Variants in MYH7 observed in about 807,000 individuals in gnomAD.
The protein encoded by MYH7 is myosin heavy chain 7.
Under a neutral mutation model 225.4 loss-of-function variants are expected in MYH7, and 129 were observed. The observed-to-expected ratio is 0.57, with a 90% CI of 0.50 to 0.66. The LOEUF is 0.66. Among genes scored for constraint, MYH7 ranks in the 30% least tolerant of loss-of-function variants. The pLI is 0.00. For synonymous variants in MYH7, 971 were observed against 1,007.6 expected, an observed-to-expected ratio of 0.96 and a Z score of 0.69; for missense variants, 1,649 against 2,517.0, an observed-to-expected ratio of 0.66 and a Z score of 7.38.
chr14:23,415,537 A>G lies in MYH7; in HGVS notation c.5158-31T>C, dbSNP rs997777221. 1 of 1,614,062 alleles carries G rather than the reference A, an allele frequency of 6.2e-7. No homozygotes were observed. Among genetic ancestry groups the G allele is most frequent in the East Asian group, 2.2e-5 (1 of 44,876 alleles). The stretch of plus-strand genomic sequence containing the variant: ...TTGGGGGAGGGTTGGGCAGAGCAGG[A>G]AAAGCATTGAGCATCTATGCATAGC... On this transcript the variant is annotated intron_variant, in intron 35 of 39. Coordinates refer to ENST00000355349, the MANE Select transcript of MYH7 (RefSeq NM_000257.4). This position sits in a 1 kb window ranked among gnomAD's most constrained non-coding sequence, Gnocchi z 6.3.
intron 25 of MYH7, 121 bp downstream of exon 25, chr14:23,422,059 G>A: frequency 6.7e-7 from 1 of 1,483,392 alleles, no homozygotes; most frequent in Non-Finnish European, 9.3e-7. Flanking sequence ...TTTTCCCATG[G>A]TTTGCGCCTC....
Position 23,416,140 on chromosome 14 carries a change from CGT to C in MYH7, c.4815_4816del (p.Arg1606GlnfsTer18), listed in dbSNP as rs1892197471. ...CACCCTCAGGGCCTCGTTGCGGCTG[CGT>C]GTCTCTGCGTCCAGGGAGGTCTGCA... On this transcript the variant is annotated frameshift_variant, in exon 34 of 40. Transcript: ENST00000355349. LOFTEE classifies it high-confidence loss of function. 6.2e-7 allele frequency: 1 copy of C among 1,614,164 alleles called. No homozygotes were observed. Among genetic ancestry groups the C allele is most frequent in the African/African-American group, 1.3e-5 (1 of 75,028 alleles).
chr14:23,423,428 T>C (rs1465296439), intron 24 of MYH7, 119 bp downstream of exon 24: 12 of 1,207,686 alleles, frequency 9.9e-6, no homozygotes, highest in Non-Finnish European at 1.3e-5. Context: ...CCTCTAAACA[T>C]AAACACAAAC....
chr14:23,417,568 C>G lies in MYH7; in HGVS notation c.4288G>C (p.Val1430Leu). Reference protein sequence around the residue: ...RLQNEIEDLMVDVERSNAAAA... With the variant: ...RLQNEIEDLMLDVERSNAAAA... The stretch of plus-strand genomic sequence containing the variant: ...GCAGCATTGGAGCGCTCTACGTCCA[C>G]CATCAAGTCCTCGATCTCATTCTGT... Residue 1430 changes from valine (V) to leucine (L), a missense_variant, in exon 31 of 40, where the codon GTG becomes CTG. Transcript: ENST00000355349. 6.2e-7 allele frequency: 1 copy of G among 1,612,488 alleles called. No homozygotes were observed. The highest frequency in any genetic ancestry group is 8.5e-7 in the Non-Finnish European group (1 of 1,180,044).
rs1892156163 is a variant in MYH7 at position 23,415,489 on chromosome 14, G to A, written c.5175C>T (p.Asn1725=). The A allele has an allele frequency of 6.2e-7, 1 of 1,614,196 alleles. No individual in the cohort carries two copies. The highest frequency in any genetic ancestry group is 2.2e-5 in the East Asian group (1 of 44,886). The part of the protein sequence containing the change: ...LLHSQNTSLI[N]QKKKMDADLS... The stretch of plus-strand genomic sequence containing the variant: ...GGTCAGCATCCATCTTCTTCTTCTG[G>A]TTGATGAGGCTGGTGTTCTGGGTTG... Residue 1725 remains asparagine (N), a synonymous_variant, in exon 36 of 40, where the codon AAC becomes AAT. Coordinates refer to ENST00000355349, the MANE Select transcript of MYH7 (RefSeq NM_000257.4). The surrounding 1 kb of genome is among the most constrained non-coding windows in gnomAD (Gnocchi z 6.3).
At position 23,413,797 on chromosome 14, in the gene MYH7, T is replaced by G; in HGVS notation, c.5752A>C (p.Asn1918His). The G allele has an allele frequency of 6.2e-7, 1 of 1,614,262 alleles. No individual in the cohort carries two copies. Among genetic ancestry groups the G allele is most frequent in the Non-Finnish European group, 8.5e-7 (1 of 1,180,050 alleles). ...ERADIAESQV[N>H]KLRAKSRDIG... ...TCACGGCTCTTGGCCCGCAGCTTGT[T>G]GACCTGGGACTCGGCGATGTCCGCC... The change falls in exon 39 of 40, where the codon AAC (asparagine) becomes CAC (histidine). Residue 1918 changes from asparagine (N) to histidine (H), a missense_variant. Asn to His is a moderately conservative substitution (Grantham distance 68, BLOSUM62 1). This residue lies in a region of MYH7 where 687 missense variants were observed against 913.8 expected (regional missense o/e 0.75). Coordinates refer to ENST00000355349, the MANE Select transcript of MYH7 (RefSeq NM_000257.4).
chr14:23,434,138 G>T (rs1893060618), intron 2 of MYH7, 56 bp downstream of exon 2: 2 of 1,021,308 alleles, frequency 2.0e-6, no homozygotes, highest in African/African-American at 1.7e-5. Context: ...CTGGCTTTGG[G>T]GCTCTAATGC....
In MYH7 at chr14:23,425,127, C is replaced by T; in HGVS notation, c.2424-103G>A. On this transcript the variant is annotated intron_variant, in intron 21 of 39. Coordinates refer to ENST00000355349, the MANE Select transcript of MYH7 (RefSeq NM_000257.4). The surrounding 1 kb of genome is among the most constrained non-coding windows in gnomAD (Gnocchi z 4.6). ...CATTTCCTTCATCCCTCCCACCCTT[C>T]CTGAGGCCTCTGACCCTGTGACTGC... The T allele has an allele frequency of 6.2e-7, 1 of 1,604,822 alleles. No homozygotes were observed. The highest frequency in any genetic ancestry group is 8.5e-7 in the Non-Finnish European group (1 of 1,173,324).
chr14:23,415,697 G>T lies in MYH7; in HGVS notation c.5089C>A (p.Arg1697=). The change falls in exon 35 of 40, where the codon CGG becomes AGG. Residue 1697 remains arginine, a synonymous_variant. Transcript: ENST00000355349. This position sits in a 1 kb window ranked among gnomAD's most constrained non-coding sequence, Gnocchi z 6.3. Reference sequence around the variant, plus strand: ...TCCTGCTCCGCCAGCTTCCGGGACCGCTCTGTCTGCTCCACCACGGCACGC... The same window carrying T: ...TCCTGCTCCGCCAGCTTCCGGGACCTCTCTGTCTGCTCCACCACGGCACGC... The part of the protein sequence containing the change: ...ELRAVVEQTE[R]SRKLAEQELI... The T allele has an allele frequency of 6.2e-7, 1 of 1,614,062 alleles. No homozygotes were observed. Among genetic ancestry groups the T allele is most frequent in the Non-Finnish European group, 8.5e-7 (1 of 1,180,036 alleles).
intron 6 of MYH7, among the ~76,000 whole-genome samples, chr14:23,432,114 A>G (rs536481171): frequency 6.6e-6 from 1 of 152,344 alleles, no homozygotes; most frequent in East Asian, 1.9e-4. Flanking sequence ...GGCAAAGTAA[A>G]CAGGGGAGAT....
At chr14:23,422,934 A>G (rs1039744894) in intron 24 of MYH7, among the ~76,000 whole-genome samples, 5 of 152,200 alleles carry the variant, frequency 3.3e-5, no homozygotes, top group African/African-American at 1.2e-4. Context: ...TGGCCGCCGT[A>G]TTCATTCTTT....
chr14:23,417,365 A>G (rs748012379), intron 31 of MYH7, 47 bp from the exon 32 acceptor site: 5 of 1,612,190 alleles, frequency 3.1e-6, no homozygotes, highest in Non-Finnish European at 4.2e-6. Flanking sequence ...CCTCAGCCCC[A>G]TGTCCAGGGT....
intron 25 of MYH7, chr14:23,421,746 G>C (rs903429964): frequency 1.2e-5 from 12 of 985,302 alleles, no homozygotes; most frequent in African/African-American, 3.5e-5. Flanking sequence ...GCAAAACAAA[G>C]AAATGGCCCT....
rs764335885 is a variant in MYH7, at chr14:23,421,026, G to C, written c.3268C>G (p.Leu1090Val). The C allele has an allele frequency of 2.5e-6, 4 of 1,613,106 alleles. No individual in the cohort carries two copies. In the East Asian group the frequency reaches 6.7e-5, roughly 27 times the overall value. The change falls in exon 26 of 40, where the codon CTC (leucine) becomes GTC (valine). Residue 1090 changes from leucine to valine, a missense_variant. Leu to Val is a conservative substitution (Grantham distance 32). Transcript: ENST00000355349. Reference sequence around the variant, plus strand: ...TGTTCATCCTCAATCCTTGCGTTGAGAGCATTCAGCTCAAAGTCTTTTCTG... The same window carrying C: ...TGTTCATCCTCAATCCTTGCGTTGACAGCATTCAGCTCAAAGTCTTTTCTG... The part of the protein sequence containing the change: ...LKKKDFELNA[L>V]NARIEDEQAL...
In MYH7 at chr14:23,413,998, G is replaced by T. The variant is rs373707937; in HGVS notation, c.5655+9C>A. On this transcript the variant is annotated intron_variant, in intron 38 of 39. Coordinates refer to ENST00000355349, the MANE Select transcript of MYH7 (RefSeq NM_000257.4). ...TCCCCTGGGCCTAGTCCCCAGCAGGGTCACTCACCGCCTCCTCGGCCTGGC... is the reference window on the plus strand; with the variant it reads ...TCCCCTGGGCCTAGTCCCCAGCAGGTTCACTCACCGCCTCCTCGGCCTGGC... 2.5e-6 allele frequency: 4 copies of T among 1,614,142 alleles called. No homozygotes were observed. Among genetic ancestry groups the T allele is most frequent in the Non-Finnish European group, 3.4e-6 (4 of 1,180,016 alleles).
Position 23,415,637 on chromosome 14 carries a change from G to T in MYH7, c.5149C>A (p.His1717Asn), listed in dbSNP as rs1892164451. 6.2e-7 allele frequency: 1 copy of T among 1,613,616 alleles called. No homozygotes were observed. Among genetic ancestry groups the T allele is most frequent in the Non-Finnish European group, 8.5e-7 (1 of 1,180,030 alleles). The change falls in exon 35 of 40, where the codon CAT (histidine) becomes AAT (asparagine). Residue 1717 changes from histidine to asparagine, a missense_variant. By Grantham distance (68) the His-to-Asn change is moderately conservative. Coordinates refer to ENST00000355349, the MANE Select transcript of MYH7 (RefSeq NM_000257.4). The surrounding 1 kb of genome is among the most constrained non-coding windows in gnomAD (Gnocchi z 6.3). ...GCAGGGGAGCTGCTCACCTGGGAAT[G>T]CAGCAGCTGCACCCGCTCACTAGTC... ...IETSERVQLL[H>N]SQNTSLINQK...
At chr14:23,434,415 AT>A (rs767242669) in intron 1 of MYH7, 166 bp from the exon 2 acceptor site, 2 of 269,872 alleles carry the variant, frequency 7.4e-6, no homozygotes, top group Non-Finnish European at 1.1e-5. Context: ...TTCAAACCCT[AT>A]TCCCTTTTTC....
chr14:23,432,762 G>T lies in MYH7; in HGVS notation c.379C>A (p.Pro127Thr), dbSNP rs2138684765. The T allele has an allele frequency of 6.2e-7, 1 of 1,614,194 alleles. No individual in the cohort carries two copies. The highest frequency in any genetic ancestry group is 8.5e-7 in the Non-Finnish European group (1 of 1,180,038). ...GTGTACACCGGCAGCCACTTGTAAG[G>T]GTTGACGGTGACACAGAAGAGGCCC... ...YSGLFCVTVNPYKWLPVYTPE... is the reference protein window; with the variant it reads ...YSGLFCVTVNTYKWLPVYTPE... The change falls in exon 5 of 40, where the codon CCT becomes ACT. Residue 127 changes from proline (P) to threonine (T), a missense_variant. This residue lies in a region of MYH7 where 77 missense variants were observed against 144.0 expected (regional missense o/e 0.53). Transcript: ENST00000355349.
At chr14:23,419,330 C>A in intron 28 of MYH7, 35 bp from the exon 29 acceptor site, 1 of 1,613,266 alleles carries the variant, frequency 6.2e-7, no homozygotes, top group Non-Finnish European at 8.5e-7. Context: ...GCACTCCTCT[C>A]TATCCCCACC....
Sources: allele counts gnomAD v4.1 joint callset (sites outside exome capture counted in the v4.1 genomes callset), GRCh38; gene constraint gnomAD v4.1.1; regional missense constraint gnomAD v4.1.1; non-coding constraint Gnocchi (gnomAD v3.1); transcripts MANE v1.5; gene names NCBI Gene and HGNC (gene_info 2026-07-23, HGNC 2026-07-21).